IPPK: variants seen among roughly 807,000 people sequenced by gnomAD.
IPPK encodes inositol-pentakisphosphate 2-kinase.
In IPPK, 22 loss-of-function variants were observed where a neutral mutation model predicts 64.6. That is an observed-to-expected ratio of 0.34 (90% CI 0.24 to 0.49). The LOEUF (loss-of-function observed/expected upper bound fraction) is 0.49, where lower values mean the gene tolerates loss of function less well. IPPK is among the 20% of genes least tolerant of loss of function. IPPK has a pLI of 0.99. For synonymous variants in IPPK, 262 were observed against 247.2 expected (o/e 1.06, Z -0.56); for missense variants, 532 against 630.7 (o/e 0.84, Z 1.68).
rs182637139 is a variant in IPPK, at chr9:92,640,072, T to C, written c.636+638A>G. Among the ~76,000 whole-genome samples the C allele has an allele frequency of 2.1e-3, 313 of 152,356 alleles. 3 individuals are homozygous for C. The highest frequency in any genetic ancestry group is 3.4e-3 in the Middle Eastern group (1 of 294). ...CCTCCTCTGAAGTATCCACCTGCGA[T>C]GGCTGTCAGCTCCTGCAGGGAGCCC... On this transcript the variant is annotated intron_variant, in intron 8 of 12. Transcript: ENST00000287996.
chr9:92,620,761 C>T (rs1851604384), intron 11 of IPPK, among the ~76,000 whole-genome samples: 1 of 152,144 alleles, frequency 6.6e-6, no homozygotes. Flanking sequence ...CCTGAGAAAA[C>T]CTTTCACAGC....
chr9:92,639,045 A>T (rs114221756), intron 8 of IPPK, among the ~76,000 whole-genome samples: 537 of 151,954 alleles, frequency 3.5e-3, no homozygotes, highest in African/African-American at 0.012. Flanking sequence ...ATTTCTTTTT[A>T]AAAAAAAATT....
chr9:92,625,361 C>G (rs1191294157), intron 11 of IPPK, among the ~76,000 whole-genome samples: 1 of 152,108 alleles, frequency 6.6e-6, no homozygotes, highest in African/African-American at 2.4e-5. Context: ...ATAAACCCTG[C>G]AATTTTACAT....
chr9:92,619,831 G>C (rs1459913748), intron 11 of IPPK: 1 of 502,066 alleles, frequency 2.0e-6, no homozygotes, highest in African/African-American at 1.9e-5. Flanking sequence ...CCCGACTCCA[G>C]ACCCTGAGAC....
intron 3 of IPPK, 103 bp from the exon 4 acceptor site, chr9:92,652,742 G>T: frequency 1.8e-6 from 1 of 542,692 alleles, no homozygotes; most frequent in Non-Finnish European, 3.3e-6. Flanking sequence ...TGGTTTTTAT[G>T]TTATGTGTAA....
rs375101314 is a variant in IPPK, at chr9:92,638,200, C to T, written c.717G>A (p.Pro239=). 2.3e-5 allele frequency: 37 copies of T among 1,614,156 alleles called. No individual in the cohort carries two copies. Among genetic ancestry groups the T allele is most frequent in the East Asian group, 1.3e-4 (6 of 44,902 alleles). The change falls in exon 9 of 13, where the codon CCG becomes CCA. Residue 239 remains proline (P), a synonymous_variant. Transcript: ENST00000287996. ...CCAGGCCGTTGGAAGGGAAGAAGAA[C>T]GGCTTCAGGTGGTGTGCAAGCTCGC... is the stretch of plus-strand genomic sequence containing the variant. ...DWSELAHHLK[P]FFFPSNGLAS... is the part of the protein sequence containing the mutation.
At chr9:92,641,264 C>G (rs1299173147) in intron 7 of IPPK, among the ~76,000 whole-genome samples, 1 of 152,162 alleles carries the variant, frequency 6.6e-6, no homozygotes, top group African/African-American at 2.4e-5. Context: ...GTCCTCCAAG[C>G]GACGAGCTGC....
chr9:92,621,456 T>G (rs1851625793), intron 11 of IPPK, among the ~76,000 whole-genome samples: 1 of 151,614 alleles, frequency 6.6e-6, no homozygotes, highest in Admixed American at 6.6e-5. Context: ...GGGGCCTAGC[T>G]GATTTCACAG....
At chr9:92,667,135 TC>T (rs1852616158) in intron 1 of IPPK, among the ~76,000 whole-genome samples, 1 of 152,130 alleles carries the variant, frequency 6.6e-6, no homozygotes, top group African/African-American at 2.4e-5. Flanking sequence ...GAAGCTGATG[TC>T]CTCTCAGAGA....
At chr9:92,646,567 AAACAC>A (rs1852153899) in intron 6 of IPPK, among the ~76,000 whole-genome samples, 1 of 152,242 alleles carries the variant, frequency 6.6e-6, no homozygotes, top group Non-Finnish European at 1.5e-5. Flanking sequence ...GATAAAATGA[AAACAC>A]AACATACCAA....
At chr9:92,629,479 C>T (rs1179174028) in intron 11 of IPPK, among the ~76,000 whole-genome samples, 5 of 151,846 alleles carry the variant, frequency 3.3e-5, no homozygotes, top group South Asian at 2.1e-4. Context: ...GGGCTGGGCA[C>T]GGTGGCTCAC....
At chr9:92,626,217 G>A (rs934941573) in intron 11 of IPPK, among the ~76,000 whole-genome samples, 3 of 152,058 alleles carry the variant, frequency 2.0e-5, no homozygotes, top group Admixed American at 6.5e-5. Flanking sequence ...CTAACACGGC[G>A]AAACCCCATC....
intron 11 of IPPK, 190 bp from the exon 12 acceptor site, chr9:92,619,755 C>T: frequency 1.6e-6 from 1 of 612,142 alleles, no homozygotes; most frequent in South Asian, 1.8e-5. Flanking sequence ...GGCCAGCCCT[C>T]AGTGCCACGG....
intron 11 of IPPK, among the ~76,000 whole-genome samples, chr9:92,622,341 G>A (rs982441503): frequency 2.0e-5 from 3 of 152,076 alleles, no homozygotes; most frequent in African/African-American, 7.2e-5. Flanking sequence ...TATAAGGATT[G>A]GGAAGGAAAG....
intron 12 of IPPK, chr9:92,618,775 G>A (rs570319503): frequency 5.6e-6 from 2 of 354,284 alleles, no homozygotes; most frequent in South Asian, 2.1e-5. Flanking sequence ...GAACTGTTTA[G>A]TTCAAAAGCA....
chr9:92,649,398 T>G, intron 5 of IPPK, 55 bp downstream of exon 5: 1 of 1,603,180 alleles, frequency 6.2e-7, no homozygotes, highest in South Asian at 1.1e-5. Flanking sequence ...TTGGACTTAC[T>G]ACCCAAGACT....
chr9:92,627,999 T>C (rs1003743971), intron 11 of IPPK, among the ~76,000 whole-genome samples: 1 of 152,204 alleles, frequency 6.6e-6, no homozygotes, highest in African/African-American at 2.4e-5. Flanking sequence ...CGATGCAGGC[T>C]ACAAGATCAA....
Position 92,642,554 on chromosome 9 carries a change from C to T in IPPK, c.563+198G>A, listed in dbSNP as rs1427499014. ...ACCAAAAGTGAGCAAGCACGTCAAA[C>T]TGTGAGCACAGAGACAAGGCACGGA... On this transcript the variant is annotated intron_variant, in intron 7 of 12. Coordinates refer to ENST00000287996, the MANE Select transcript of IPPK (RefSeq NM_022755.6). Among the ~76,000 whole-genome samples the T allele has an allele frequency of 2.0e-5, 3 of 152,236 alleles. No individual in the cohort carries two copies. In the East Asian group the frequency reaches 5.8e-4, roughly 29 times the overall value.
intron 1 of IPPK, among the ~76,000 whole-genome samples, chr9:92,660,531 C>T (rs951786628): frequency 2.0e-5 from 3 of 152,240 alleles, no homozygotes; most frequent in African/African-American, 4.8e-5. Context: ...ATAAGCTGCA[C>T]AATGGACTTT....
Sources: gnomAD v4.1 joint callset for allele counts (sites outside exome capture counted in the v4.1 genomes callset) on GRCh38, gnomAD v4.1.1 for gene constraint, MANE v1.5 for transcripts, NCBI Gene and HGNC (gene_info 2026-07-23, HGNC 2026-07-21) for gene names.